Variants in DGLUCY observed in about 807,000 individuals in gnomAD.
DGLUCY encodes the protein D-glutamate cyclase, mitochondrial.
DGLUCY carries 58 observed loss-of-function variants against 58.5 expected under a neutral mutation model. The ratio of observed to expected loss-of-function variants is 0.99; its 90% CI spans 0.80 to 1.23. The LOEUF is 1.23. Ranked by LOEUF, DGLUCY falls within the 50% of genes most tolerant of loss-of-function variation. The pLI is 0.00. For missense variants in DGLUCY, 779 were observed against 784.7 expected (o/e 0.99, Z 0.09); for synonymous variants, 325 against 314.1 (o/e 1.03, Z -0.37).
chr14:91,129,535 A>G (rs1233511451), intron 1 of DGLUCY, among the ~76,000 whole-genome samples: 3 of 152,068 alleles, frequency 2.0e-5, no homozygotes, highest in African/African-American at 7.2e-5. Flanking sequence ...TAGGAATTCA[A>G]GACCAGCCTG....
intron 1 of DGLUCY, among the ~76,000 whole-genome samples, chr14:91,075,026 C>T (rs185835412): frequency 1.7e-4 from 26 of 149,470 alleles, no homozygotes; most frequent in African/African-American, 5.0e-4. Context: ...GAGCCAAGAT[C>T]GTGCCATTGC....
At chr14:91,171,238 T>C (rs1324250854) in intron 5 of DGLUCY, among the ~76,000 whole-genome samples, 2 of 152,190 alleles carry the variant, frequency 1.3e-5, no homozygotes, top group African/African-American at 2.4e-5. Flanking sequence ...GATGGGAACC[T>C]GGAACCCCTG....
chr14:91,097,880 C>A (rs1404985724), intron 1 of DGLUCY, among the ~76,000 whole-genome samples: 3 of 152,188 alleles, frequency 2.0e-5, no homozygotes, highest in East Asian at 1.9e-4. Context: ...TCATTTGACT[C>A]CTCCTACCTT....
At chr14:91,142,575 C>A (rs1209457598) in intron 1 of DGLUCY, among the ~76,000 whole-genome samples, 1 of 152,062 alleles carries the variant, frequency 6.6e-6, no homozygotes, top group African/African-American at 2.4e-5. Flanking sequence ...GAAAAGTGCA[C>A]CTCAAATGAA....
chr14:91,179,164 G>C (rs1258094488), intron 7 of DGLUCY, among the ~76,000 whole-genome samples: 1 of 152,222 alleles, frequency 6.6e-6, no homozygotes. Context: ...TCTTCTCCAG[G>C]AGCATACAAC....
In DGLUCY at chr14:91,224,928, C is replaced by T; in HGVS notation, c.*95C>T. The stretch of plus-strand genomic sequence containing the variant: ...TTCTGGCGACAATCCTGCTAGTAAA[C>T]ACTGGTCTTCGGTGAGCAACGAACA... On this transcript the variant is annotated 3_prime_UTR_variant, in exon 14 of 14. Coordinates refer to ENST00000256324, the MANE Select transcript of DGLUCY (RefSeq NM_001102368.3). 1 of 1,367,926 alleles carries T rather than the reference C, an allele frequency of 7.3e-7. No individual in the cohort carries two copies. The highest frequency in any genetic ancestry group is 9.7e-7 in the Non-Finnish European group (1 of 1,025,966). 84.7% of individuals were successfully genotyped at this position (1,367,926 alleles called of 1,614,324 possible).
intron 8 of DGLUCY, among the ~76,000 whole-genome samples, chr14:91,186,762 C>G (rs1455235548): frequency 2.0e-5 from 3 of 152,156 alleles, no homozygotes; most frequent in Non-Finnish European, 4.4e-5. Flanking sequence ...ACCCTCCAGA[C>G]AGCACTGCTC....
At chr14:91,224,556 C>A in intron 13 of DGLUCY, 128 bp from the exon 14 acceptor site, 1 of 1,122,104 alleles carries the variant, frequency 8.9e-7, no homozygotes, top group Non-Finnish European at 1.2e-6. Flanking sequence ...TACTTTAAAC[C>A]AAAATTTTAC....
At chr14:91,207,093 A>G (rs1027649528) in intron 12 of DGLUCY, among the ~76,000 whole-genome samples, 5 of 137,902 alleles carry the variant, frequency 3.6e-5, no homozygotes, top group African/African-American at 1.3e-4. Context: ...CAGGAAGATG[A>G]GGCTGCAGTG....
intron 12 of DGLUCY, among the ~76,000 whole-genome samples, chr14:91,211,388 A>G (rs1885656093): frequency 6.6e-6 from 1 of 152,266 alleles, no homozygotes; most frequent in Admixed American, 6.5e-5. Flanking sequence ...ATATTGAAAA[A>G]GAACGAGATC....
At chr14:91,212,459 G>A (rs1282039257) in intron 12 of DGLUCY, among the ~76,000 whole-genome samples, 1 of 152,170 alleles carries the variant, frequency 6.6e-6, no homozygotes, top group Non-Finnish European at 1.5e-5. Context: ...AGGACTCCAG[G>A]AGCTACTCTA....
chr14:91,220,874 C>G (rs1175351203), intron 13 of DGLUCY: 3 of 355,342 alleles, frequency 8.4e-6, no homozygotes, highest in Admixed American at 7.2e-5. Context: ...AAGAGGCACT[C>G]CCTGGGAGTG....
intron 13 of DGLUCY, among the ~76,000 whole-genome samples, chr14:91,219,946 A>C (rs1887180309): frequency 6.6e-6 from 1 of 152,218 alleles, no homozygotes; most frequent in African/African-American, 2.4e-5. Flanking sequence ...AAGGCCTCCA[A>C]GGATGAGGCC....
upstream of DGLUCY, among the ~76,000 whole-genome samples, chr14:91,113,219 G>A (rs563684008): frequency 3.3e-4 from 51 of 152,258 alleles, no homozygotes; most frequent in African/African-American, 8.9e-4. Context: ...AGAATCGCTC[G>A]AACCTGGGAG....
chr14:91,099,562 G>C (rs1415969075), intron 1 of DGLUCY, among the ~76,000 whole-genome samples: 1 of 149,418 alleles, frequency 6.7e-6, no homozygotes, highest in Non-Finnish European at 1.5e-5. Context: ...TCGCTGATAA[G>C]CATAAAAATC....
intron 11 of DGLUCY, 93 bp from the exon 12 acceptor site, chr14:91,204,613 C>G (rs1884212946): frequency 6.6e-7 from 1 of 1,515,258 alleles, no homozygotes; most frequent in South Asian, 1.3e-5. Context: ...TTTGCCCTCC[C>G]AAAGGCAACA....
At position 91,167,683 on chromosome 14, in the gene DGLUCY, C is replaced by T. The variant is rs747508424; in HGVS notation, c.257+305C>T. 1.5e-4 allele frequency: 107 copies of T among 703,518 alleles called. 1 individual carries two copies. The highest frequency in any genetic ancestry group is 1.5e-3 in the South Asian group (102 of 67,580). The allele number at this position is 703,518 out of a possible 1,614,324, so 43.6% of individuals were successfully genotyped here. ...CGCCCAAGCCAGAAACCCGCCTGTA[C>T]AGGATTAAGAAGAAAATAAAAAACA... is the stretch of plus-strand genomic sequence containing the variant. On this transcript the variant is annotated intron_variant, in intron 4 of 13. Transcript: ENST00000256324.
chr14:91,120,665 C>G (rs2045300773), intron 1 of DGLUCY, among the ~76,000 whole-genome samples: 1 of 152,198 alleles, frequency 6.6e-6, no homozygotes, highest in Non-Finnish European at 1.5e-5. Context: ...CCTGCCTCAG[C>G]CTCCCAAAGT....
At chr14:91,063,700 G>T (rs1390626183) in intron 1 of DGLUCY, among the ~76,000 whole-genome samples, 2 of 152,286 alleles carry the variant, frequency 1.3e-5, no homozygotes, top group African/African-American at 4.8e-5. Flanking sequence ...GAGAAAGGCA[G>T]TGGAGCCTTA....
Sources: gnomAD v4.1 joint callset for allele counts (sites outside exome capture counted in the v4.1 genomes callset) on GRCh38, gnomAD v4.1.1 for gene constraint, MANE v1.5 for transcripts, NCBI Gene and HGNC (gene_info 2026-07-23, HGNC 2026-07-21) for gene names.